Variants in SGCD observed in about 807,000 individuals in gnomAD.
SGCD encodes the protein delta-sarcoglycan.
A neutral mutation model predicts 36.6 loss-of-function variants in SGCD; 18 were observed. That is an observed-to-expected ratio of 0.49 (90% confidence interval 0.34 to 0.73). The LOEUF is 0.73. Among genes scored for constraint, SGCD ranks in the 30% least tolerant of loss-of-function variants. The probability of loss-of-function intolerance (pLI) is 0.01; values close to 1 mark genes in which losing one functional copy is unlikely to be tolerated. For synonymous variants in SGCD, 133 were observed against 130.6 expected (o/e 1.02, Z -0.12); for missense variants, 387 against 346.7 (o/e 1.12, Z -0.92).
intron 2 of SGCD, among the ~76,000 whole-genome samples, chr5:156,121,599 C>A (rs945702321): frequency 6.6e-6 from 1 of 151,934 alleles, no homozygotes; most frequent in African/African-American, 2.4e-5. Flanking sequence ...ATTTATGTTA[C>A]CGCAATGAGG....
At chr5:155,874,538 T>C (rs1755725398) in intron 1 of SGCD, among the ~76,000 whole-genome samples, 2 of 152,084 alleles carry the variant, frequency 1.3e-5, no homozygotes, top group Admixed American at 1.3e-4. Flanking sequence ...ATCCAGGCTA[T>C]ATTAAAAAAG....
intron 1 of SGCD, among the ~76,000 whole-genome samples, chr5:155,901,027 A>G (rs1192276065): frequency 1.3e-5 from 2 of 152,118 alleles, no homozygotes; most frequent in Non-Finnish European, 2.9e-5. Flanking sequence ...AGATTTAAAA[A>G]ATAGGCCAGT....
At chr5:156,084,003 C>T (rs543522496) in intron 1 of SGCD, among the ~76,000 whole-genome samples, 2 of 152,224 alleles carry the variant, frequency 1.3e-5, no homozygotes, top group South Asian at 4.2e-4. Flanking sequence ...ATTACTTAGC[C>T]ATACAGTAAA....
At chr5:156,606,611 G>A (rs1349769863) in intron 6 of SGCD, among the ~76,000 whole-genome samples, 1 of 152,148 alleles carries the variant, frequency 6.6e-6, no homozygotes, top group Non-Finnish European at 1.5e-5. Context: ...GATGGGAATG[G>A]CACTGAATCT....
At chr5:156,604,915 G>A (rs1017479167) in intron 6 of SGCD, among the ~76,000 whole-genome samples, 6 of 150,670 alleles carry the variant, frequency 4.0e-5, no homozygotes, top group African/African-American at 1.5e-4. Flanking sequence ...ACTAATTTTA[G>A]TTGTTATTGT....
intron 3 of SGCD, among the ~76,000 whole-genome samples, chr5:156,319,900 G>A (rs557914712): frequency 4.6e-5 from 7 of 152,218 alleles, no homozygotes; most frequent in Admixed American, 1.3e-4. Context: ...AATCCATTGC[G>A]GAAAGGATAT....
intron 1 of SGCD, among the ~76,000 whole-genome samples, chr5:155,949,733 C>A (rs1581007695): frequency 6.6e-6 from 1 of 152,224 alleles, no homozygotes; most frequent in Middle Eastern, 3.4e-3. Context: ...TTGTCTATGG[C>A]TGATTCTGTG....
chr5:156,048,335 C>A (rs1048519191), intron 1 of SGCD, among the ~76,000 whole-genome samples: 1 of 152,122 alleles, frequency 6.6e-6, no homozygotes, highest in African/African-American at 2.4e-5. Flanking sequence ...TGGGTATATA[C>A]CCAGTAATGA....
chr5:156,099,085 T>G (rs1761453629), intron 1 of SGCD, among the ~76,000 whole-genome samples: 1 of 152,236 alleles, frequency 6.6e-6, no homozygotes, highest in African/African-American at 2.4e-5. Flanking sequence ...ACACCAGATC[T>G]GCATAGCCTT....
At chr5:156,498,262 C>CAAAA (rs34586524) in intron 3 of SGCD, among the ~76,000 whole-genome samples, 3,602 of 102,800 alleles carry the variant, frequency 0.035, 165 homozygotes, top group African/African-American at 0.095. Context: ...ATTTCTCTTA[C>CAAAA]AAAAAAAAAA....
chr5:155,747,973 AT>A, the SGCD span, among the ~76,000 whole-genome samples: 1 of 152,162 alleles, frequency 6.6e-6, no homozygotes, highest in East Asian at 1.9e-4. Flanking sequence ...TGAACCTGTC[AT>A]TTTTGACCAC....
chr5:155,853,404 ATGGCC>A, the SGCD span, among the ~76,000 whole-genome samples: 1 of 152,092 alleles, frequency 6.6e-6, no homozygotes, highest in African/African-American at 2.4e-5. Flanking sequence ...GAAAAAAAAA[ATGGCC>A]TTACTGAAAA....
intron 1 of SGCD, among the ~76,000 whole-genome samples, chr5:155,966,461 C>A (rs1277023714): frequency 1.3e-5 from 2 of 152,106 alleles, no homozygotes; most frequent in African/African-American, 4.8e-5. Context: ...TGTGAGATAG[C>A]ACTTCATAAA....
chr5:155,753,861 C>G, the SGCD span, among the ~76,000 whole-genome samples: 109 of 152,274 alleles, frequency 7.2e-4, 1 homozygote, highest in South Asian at 4.6e-3. Context: ...CCAGGTCCTC[C>G]TCCCAAATGT....
intron 3 of SGCD, among the ~76,000 whole-genome samples, chr5:156,169,032 C>G (rs1367877303): frequency 6.6e-6 from 1 of 152,192 alleles, no homozygotes; most frequent in African/African-American, 2.4e-5. Flanking sequence ...AACATCTGAT[C>G]TCAAGGCCTA....
At chr5:155,949,901 T>C (rs1425965184) in intron 1 of SGCD, among the ~76,000 whole-genome samples, 2 of 152,204 alleles carry the variant, frequency 1.3e-5, no homozygotes, top group African/African-American at 4.8e-5. Flanking sequence ...CCTTTCTAAT[T>C]TGGAAGCATG....
At position 156,009,533 on chromosome 5, in the gene SGCD, C is replaced by T. The variant is rs1452495865; in HGVS notation, c.-281-108345C>T. On this transcript the variant is annotated intron_variant, in intron 1 of 9. Coordinates refer to the SGCD transcript ENST00000517913. ...CGTTCTTTGGATCATGCTCCCAAGG[C>T]TCGGTCCACATATTCCCTGCTGCCA... Among the ~76,000 whole-genome samples, 14 of 152,296 alleles carry T rather than the reference C, an allele frequency of 9.2e-5. No individual in the cohort carries two copies. In the East Asian group the frequency reaches 2.7e-3, roughly 29 times the overall value.
rs1581040662 is a variant in SGCD at position 156,471,430 on chromosome 5, G to A, written c.193-37171G>A. Among the ~76,000 whole-genome samples, 2 of 152,052 alleles carry A rather than the reference G, an allele frequency of 1.3e-5. 1 individual carries two copies. The highest frequency in any genetic ancestry group is 4.1e-4 in the South Asian group (2 of 4,820). ...AAGAATTAAGATAGGTATGATGTTGGCAAAAGAACTAATAAATTGAATAAT... is the reference window on the plus strand; with the variant it reads ...AAGAATTAAGATAGGTATGATGTTGACAAAAGAACTAATAAATTGAATAAT... On this transcript the variant is annotated intron_variant, in intron 3 of 8. Transcript: ENST00000337851.
chr5:155,928,123 C>A (rs1253637767), intron 1 of SGCD, among the ~76,000 whole-genome samples: 1 of 152,108 alleles, frequency 6.6e-6, no homozygotes, highest in Non-Finnish European at 1.5e-5. Flanking sequence ...ATGATCCTTG[C>A]CCTTGATGAA....
Sources: allele counts gnomAD v4.1 joint callset (sites outside exome capture counted in the v4.1 genomes callset), GRCh38; gene constraint gnomAD v4.1.1; transcripts MANE v1.5; gene names NCBI Gene and HGNC (gene_info 2026-07-23, HGNC 2026-07-21).